CACNA1A: variants seen among roughly 807,000 people sequenced by gnomAD.
The protein encoded by CACNA1A is calcium voltage-gated channel subunit alpha1 A, also known as voltage-dependent P/Q-type calcium channel subunit alpha-1A.
Under a neutral mutation model 262.4 loss-of-function variants are expected in CACNA1A, and 57 were observed. The ratio of observed to expected loss-of-function variants is 0.22; its 90% CI spans 0.18 to 0.27. The LOEUF is 0.27. CACNA1A is among the 10% of genes least tolerant of loss of function. CACNA1A has a pLI of 1.00. For synonymous variants in CACNA1A, 1,431 were observed against 1,419.3 expected (o/e 1.01, Z -0.18); for missense variants, 2,526 against 3,562.8 (o/e 0.71, Z 7.41).
chr19:13,392,807 T>C (rs1473225889), intron 3 of CACNA1A, among the ~76,000 whole-genome samples: 1 of 152,170 alleles, frequency 6.6e-6, no homozygotes, highest in Non-Finnish European at 1.5e-5. Context: ...AGTACAGTAG[T>C]GCAATCTCTG....
intron 1 of CACNA1A, among the ~76,000 whole-genome samples, chr19:13,461,795 T>A (rs2061128924): frequency 6.6e-6 from 1 of 151,798 alleles, no homozygotes; most frequent in Admixed American, 6.6e-5. Context: ...TCCAGAAAAA[T>A]CAGCCATCCT....
chr19:13,407,673 T>A (rs1246475373), intron 3 of CACNA1A, among the ~76,000 whole-genome samples: 2 of 152,188 alleles, frequency 1.3e-5, no homozygotes, highest in Admixed American at 6.5e-5. Flanking sequence ...CTTCCAATTG[T>A]TATGCTGCAA....
intron 3 of CACNA1A, among the ~76,000 whole-genome samples, chr19:13,408,295 G>C (rs1447695817): frequency 6.6e-6 from 1 of 152,132 alleles, no homozygotes; most frequent in African/African-American, 2.4e-5. Flanking sequence ...GCTTGAGATG[G>C]GGAGGTTGAG....
chr19:13,327,914 T>C (rs2058392436), intron 10 of CACNA1A, among the ~76,000 whole-genome samples: 1 of 152,116 alleles, frequency 6.6e-6, no homozygotes, highest in African/African-American at 2.4e-5. Flanking sequence ...TTTATTTTTT[T>C]AAGAGACAGG....
intron 43 of CACNA1A, 199 bp from the exon 44 acceptor site, chr19:13,210,851 C>A: frequency 1.6e-6 from 1 of 637,224 alleles, no homozygotes; most frequent in Non-Finnish European, 2.8e-6. Flanking sequence ...TGTCCCAGGC[C>A]CCCGGGGCTG....
chr19:13,402,787 T>TAC (rs1555781047), intron 3 of CACNA1A, among the ~76,000 whole-genome samples: 1 of 129,020 alleles, frequency 7.8e-6, no homozygotes, highest in Admixed American at 7.7e-5. Flanking sequence ...TACATATATA[T>TAC]ACATATATAC....
At chr19:13,434,018 G>A (rs1219718429) in intron 3 of CACNA1A, among the ~76,000 whole-genome samples, 2 of 152,122 alleles carry the variant, frequency 1.3e-5, no homozygotes, top group Non-Finnish European at 2.9e-5. Context: ...TGTGGCTTGG[G>A]GCAAGTCCTC....
rs540390772 is a variant in CACNA1A, at chr19:13,212,702, C to T, written c.5979G>A (p.Pro1993=). 1.1e-5 allele frequency: 16 copies of T among 1,506,828 alleles called. 1 individual carries two copies. Among genetic ancestry groups the T allele is most frequent in the African/African-American group, 5.6e-5 (4 of 71,406 alleles). 93.3% of individuals were successfully genotyped at this position (1,506,828 alleles called of 1,614,324 possible). A position where few individuals can be genotyped will look rare whatever the true frequency, so the allele number is the denominator to read the frequency against. ...TPLMFQRMEP[P]SPTQEGGPGQ... is the part of the protein sequence containing the mutation. ...CAGGTCCCCCTTCCTGCGTTGGGGA[C>T]GGGGGCTCCATGCGCTGGAACATGA... Residue 1993 remains proline (P), a synonymous_variant, in exon 41 of 47, where the codon CCG becomes CCA. Transcript: ENST00000360228. This position sits in a 1 kb window ranked among gnomAD's most constrained non-coding sequence, Gnocchi z 5.6.
At chr19:13,460,397 A>C (rs1313903678) in intron 1 of CACNA1A, among the ~76,000 whole-genome samples, 1 of 152,100 alleles carries the variant, frequency 6.6e-6, no homozygotes, top group Non-Finnish European at 1.5e-5. Context: ...CCCCAGGGGG[A>C]GAACTGAACA....
intron 30 of CACNA1A, among the ~76,000 whole-genome samples, chr19:13,249,530 C>T (rs956291581): frequency 6.6e-6 from 1 of 152,012 alleles, no homozygotes; most frequent in Non-Finnish European, 1.5e-5. Flanking sequence ...TAATTTTGTA[C>T]TTTTTGTAGA....
rs146743574 is a variant in CACNA1A at position 13,480,626 on chromosome 19, C to T, written c.293+25306G>A. 1.3e-4 allele frequency among the ~76,000 whole-genome samples: 19 copies of T among 151,964 alleles called. No individual in the cohort carries two copies. In the East Asian group the frequency reaches 3.5e-3, roughly 28 times the overall value. Reference sequence around the variant, plus strand: ...GGAGGATCACTTGAGCCCAGGAGTTCGAGATCAACCTGAGCAACAAAAGCG... The same window carrying T: ...GGAGGATCACTTGAGCCCAGGAGTTTGAGATCAACCTGAGCAACAAAAGCG... On this transcript the variant is annotated intron_variant, in intron 1 of 46. Coordinates refer to ENST00000360228, the MANE Select transcript of CACNA1A (RefSeq NM_001127222.2).
At chr19:13,499,344 C>T (rs1982065899) in intron 1 of CACNA1A, among the ~76,000 whole-genome samples, 1 of 150,228 alleles carries the variant, frequency 6.7e-6, no homozygotes, top group Non-Finnish European at 1.5e-5. Context: ...TTTTTTTTCC[C>T]CTGAAAGCTT....
In CACNA1A at chr19:13,365,339, G is replaced by T; in HGVS notation, c.762C>A (p.Thr254=). The change falls in exon 5 of 47, where the codon ACC becomes ACA. Residue 254 remains threonine (T), a synonymous_variant. Transcript: ENST00000360228. The stretch of plus-strand genomic sequence containing the variant: ...TACCTGTCCCCTCTTCAAAGCAGGT[G>T]GTATGAAATTTTCCCATATAAAATT... ...GLEFYMGKFH[T]TCFEEGTDDI... 6.2e-7 allele frequency: 1 copy of T among 1,613,188 alleles called. No individual in the cohort carries two copies. Among genetic ancestry groups the T allele is most frequent in the East Asian group, 2.2e-5 (1 of 44,870 alleles).
intron 3 of CACNA1A, among the ~76,000 whole-genome samples, chr19:13,422,606 T>C (rs1192037558): frequency 6.6e-6 from 1 of 152,204 alleles, no homozygotes; most frequent in East Asian, 1.9e-4. Context: ...CCTGGTAGCT[T>C]ATGCTCACAA....
At chr19:13,251,213 G>A (rs960638774) in intron 30 of CACNA1A, among the ~76,000 whole-genome samples, 2 of 152,002 alleles carry the variant, frequency 1.3e-5, no homozygotes, top group Non-Finnish European at 2.9e-5. Flanking sequence ...GCCGGGTGCG[G>A]TGGCTCCCGC....
chr19:13,354,151 G>C (rs1011664630), intron 6 of CACNA1A, among the ~76,000 whole-genome samples: 8 of 152,168 alleles, frequency 5.3e-5, no homozygotes, highest in Non-Finnish European at 1.0e-4. Flanking sequence ...TAAATGTGGT[G>C]CCAGGATCTT....
At chr19:13,461,885 C>T (rs1204024242) in intron 1 of CACNA1A, among the ~76,000 whole-genome samples, 2 of 152,072 alleles carry the variant, frequency 1.3e-5, no homozygotes, top group Non-Finnish European at 2.9e-5. Flanking sequence ...AAATGGCTCT[C>T]GGAAGTCAGG....
chr19:13,303,519 A>G, intron 17 of CACNA1A, 27 bp downstream of exon 17: 2 of 1,315,848 alleles, frequency 1.5e-6, no homozygotes, highest in Non-Finnish European at 2.0e-6. Flanking sequence ...TAACTTTGCC[A>G]GAGAAACATT....
chr19:13,381,857 G>T (rs1599332462), intron 3 of CACNA1A, among the ~76,000 whole-genome samples: 2 of 152,344 alleles, frequency 1.3e-5, no homozygotes, highest in East Asian at 3.9e-4. Flanking sequence ...GTGAGGTGAT[G>T]GATGGTGCAG....
Sources: gnomAD v4.1 joint callset for allele counts (sites outside exome capture counted in the v4.1 genomes callset) on GRCh38, gnomAD v4.1.1 for gene constraint, Gnocchi (gnomAD v3.1) non-coding constraint, MANE v1.5 for transcripts, NCBI Gene and HGNC (gene_info 2026-07-23, HGNC 2026-07-21) for gene names.